GPATCH8: variants seen among roughly 807,000 people sequenced by gnomAD.
GPATCH8 encodes G patch domain-containing protein 8.
In GPATCH8, 18 loss-of-function variants were observed where a neutral mutation model predicts 118.3. The observed-to-expected ratio is 0.15, with a 90% CI of 0.11 to 0.23. GPATCH8 has a LOEUF of 0.23. GPATCH8 is among the 10% of genes least tolerant of loss of function. The pLI is 1.00. For synonymous variants in GPATCH8, 659 were observed against 684.7 expected (o/e 0.96, Z 0.59); for missense variants, 1,631 against 1,873.8 (o/e 0.87, Z 2.39).
chr17:44,415,673 C>T (rs1278489882), intron 6 of GPATCH8, among the ~76,000 whole-genome samples: 4 of 152,182 alleles, frequency 2.6e-5, no homozygotes, highest in Non-Finnish European at 2.9e-5. Flanking sequence ...GAGCTCTTTA[C>T]AGTACTGTCA....
At chr17:44,499,991 C>T (rs1969941752) in intron 1 of GPATCH8, among the ~76,000 whole-genome samples, 1 of 151,292 alleles carries the variant, frequency 6.6e-6, no homozygotes, top group Non-Finnish European at 1.5e-5. Flanking sequence ...TGTAATTTAT[C>T]ATTGTTGAAA....
intron 1 of GPATCH8, among the ~76,000 whole-genome samples, chr17:44,492,921 T>A (rs1969370878): frequency 6.6e-6 from 1 of 152,144 alleles, no homozygotes; most frequent in African/African-American, 2.4e-5. Context: ...AATCAGGTAC[T>A]CACTAATGTT....
intron 7 of GPATCH8, among the ~76,000 whole-genome samples, chr17:44,403,396 T>C (rs575112965): frequency 9.2e-5 from 14 of 151,474 alleles, no homozygotes; most frequent in African/African-American, 3.4e-4. Flanking sequence ...TAAAAAAAAA[T>C]TTTGCAGAGA....
chr17:44,424,583 C>CA (rs1567969302), intron 5 of GPATCH8, 91 bp from the exon 6 acceptor site: 5 of 919,298 alleles, frequency 5.4e-6, no homozygotes, highest in Middle Eastern at 2.4e-4. Context: ...TCTGAGAAGA[C>CA]AAAAAAGGGC....
chr17:44,414,101 G>A (rs57820202), intron 6 of GPATCH8, among the ~76,000 whole-genome samples: 3,266 of 122,726 alleles, frequency 0.027, 121 homozygotes, highest in African/African-American at 0.091. Context: ...ATATATATAT[G>A]TGTGTATATA....
At position 44,428,143 on chromosome 17, in the gene GPATCH8, C is replaced by T. The variant is rs569075734; in HGVS notation, c.349-3651G>A. The stretch of plus-strand genomic sequence containing the variant: ...CCAAAAATACAAAAAATTAGCTAGG[C>T]GTGGTGGTGTGCACCTGTAGTCCCA... On this transcript the variant is annotated intron_variant, in intron 5 of 7. Transcript: ENST00000591680. Among the ~76,000 whole-genome samples the T allele has an allele frequency of 7.3e-5, 11 of 151,636 alleles. No homozygotes were observed. The East Asian group carries it at 2.1e-3, about 30-fold the overall frequency.
At chr17:44,485,522 G>A (rs1968711345) in intron 1 of GPATCH8, among the ~76,000 whole-genome samples, 1 of 152,052 alleles carries the variant, frequency 6.6e-6, no homozygotes, top group Non-Finnish European at 1.5e-5. Flanking sequence ...CGTCTCCTGA[G>A]CTCAAACGAT....
intron 1 of GPATCH8, among the ~76,000 whole-genome samples, chr17:44,476,083 T>C (rs995852099): frequency 6.6e-6 from 1 of 152,212 alleles, no homozygotes; most frequent in African/African-American, 2.4e-5. Flanking sequence ...TCTGAACTTT[T>C]AGTCTCCTAA....
chr17:44,485,306 A>G (rs1968694667), intron 1 of GPATCH8, among the ~76,000 whole-genome samples: 1 of 152,036 alleles, frequency 6.6e-6, no homozygotes, highest in Admixed American at 6.6e-5. Flanking sequence ...GTAGACTTGG[A>G]GTCTTGCCAT....
chr17:44,407,754 T>C (rs1316421506), intron 6 of GPATCH8, among the ~76,000 whole-genome samples: 1 of 151,834 alleles, frequency 6.6e-6, no homozygotes, highest in Non-Finnish European at 1.5e-5. Flanking sequence ...CCTCCCAGGT[T>C]TAAGAGATTC....
intron 5 of GPATCH8, among the ~76,000 whole-genome samples, chr17:44,431,099 A>G (rs984971362): frequency 1.3e-5 from 2 of 151,928 alleles, no homozygotes; most frequent in Middle Eastern, 6.8e-3. Context: ...GGCCAGGCAC[A>G]GTGGCTCACG....
chr17:44,398,971 G>A lies in GPATCH8; in HGVS notation c.3106C>T (p.Pro1036Ser), dbSNP rs2048892400. Residue 1036 changes from proline (P) to serine (S), a missense_variant, in exon 8 of 8, where the codon CCC (proline) becomes TCC (serine). Physicochemically the swap from Pro to Ser is moderately conservative, Grantham distance 74 (BLOSUM62 -1). Transcript: ENST00000591680. ...CCCCGGCCTGATCGGAAATAGTGGG[G>A]GGACTGGGAGCGGTAGATCTTAGAA... is the stretch of plus-strand genomic sequence containing the variant. ...IRSKIYRSQS[P>S]HYFRSGRGEG... is the part of the protein sequence containing the mutation. 6.2e-7 allele frequency: 1 copy of A among 1,614,132 alleles called. No individual in the cohort carries two copies. Among genetic ancestry groups the A allele is most frequent in the Non-Finnish European group, 8.5e-7 (1 of 1,180,006 alleles).
intron 5 of GPATCH8, among the ~76,000 whole-genome samples, chr17:44,430,480 A>G (rs1232350026): frequency 6.6e-6 from 1 of 152,172 alleles, no homozygotes; most frequent in Non-Finnish European, 1.5e-5. Flanking sequence ...ACAAAACCCA[A>G]TACTCTCTTT....
chr17:44,438,513 C>T (rs2050587996), intron 3 of GPATCH8, among the ~76,000 whole-genome samples: 2 of 151,622 alleles, frequency 1.3e-5, no homozygotes, highest in Admixed American at 6.6e-5. Flanking sequence ...CTTAACATTA[C>T]CCTTTAATGA....
At chr17:44,414,855 T>G (rs1248078426) in intron 6 of GPATCH8, among the ~76,000 whole-genome samples, 3 of 152,234 alleles carry the variant, frequency 2.0e-5, no homozygotes, top group African/African-American at 7.2e-5. Context: ...TGTGATCAGC[T>G]TCTTTCACTT....
intron 1 of GPATCH8, among the ~76,000 whole-genome samples, chr17:44,495,149 C>T (rs1430360628): frequency 6.6e-6 from 1 of 152,076 alleles, no homozygotes; most frequent in Non-Finnish European, 1.5e-5. Context: ...GCCTGACCTA[C>T]ATGATGAAAC....
rs139981883 is a variant in GPATCH8 at position 44,400,157 on chromosome 17, G to A, written c.1920C>T (p.Ser640=). The change falls in exon 8 of 8, where the codon AGC becomes AGT. Residue 640 remains serine (S), a synonymous_variant. Coordinates refer to ENST00000591680, the MANE Select transcript of GPATCH8 (RefSeq NM_001002909.4). ...CCCCAGGCTCCTGCTTGTTCAGGCC[G>A]CTACAGGCAGACCCTGAAGCAGGTG... is the stretch of plus-strand genomic sequence containing the variant. ...MDAPASGSAC[S]GLNKQEPGGS... is the part of the protein sequence containing the mutation. 1.9e-5 allele frequency: 30 copies of A among 1,613,784 alleles called. No individual in the cohort carries two copies. The highest frequency in any genetic ancestry group is 1.6e-4 in the Middle Eastern group (1 of 6,084).
intron 7 of GPATCH8, among the ~76,000 whole-genome samples, chr17:44,405,555 AGTACAGTG>A (rs552568082): frequency 1.1e-3 from 171 of 148,986 alleles, no homozygotes; most frequent in Non-Finnish European, 1.8e-3. Flanking sequence ...CCCAGGCTGG[AGTACAGTG>A]GTGCGATCTT....
In GPATCH8 at chr17:44,400,060, G is replaced by A; in HGVS notation, c.2017C>T (p.His673Tyr). ...TGCTTCTTTTTCTTTTTGTGCCGGT[G>A]GGACTTCCCAGATCGTTCTTTCTTG... ...PSKKERSGKS[H>Y]RHKKKKKHKK... Residue 673 changes from histidine (H) to tyrosine (Y), a missense_variant, in exon 8 of 8, where the codon CAC becomes TAC. Physicochemically the swap from His to Tyr is moderately conservative, Grantham distance 83. Transcript: ENST00000591680. 4 of 1,613,816 alleles carry A rather than the reference G, an allele frequency of 2.5e-6. No individual in the cohort carries two copies. The highest frequency in any genetic ancestry group is 3.4e-6 in the Non-Finnish European group (4 of 1,179,960).
Sources: allele counts gnomAD v4.1 joint callset (sites outside exome capture counted in the v4.1 genomes callset), GRCh38; gene constraint gnomAD v4.1.1; transcripts MANE v1.5; gene names NCBI Gene and HGNC (gene_info 2026-07-23, HGNC 2026-07-21).